The following ANKS1B variants were observed in gnomAD, a reference collection of about 807,000 sequenced individuals.
The protein encoded by ANKS1B is ankyrin repeat and sterile alpha motif domain containing 1B, also known as ankyrin repeat and sterile alpha motif domain-containing protein 1B.
In ANKS1B, 36 loss-of-function variants were observed where a neutral mutation model predicts 148.3. The observed-to-expected ratio is 0.24, with a 90% CI of 0.19 to 0.32. The LOEUF (loss-of-function observed/expected upper bound fraction) is 0.32, where lower values mean the gene tolerates loss of function less well. Among genes scored for constraint, ANKS1B ranks in the 10% least tolerant of loss-of-function variants. The pLI, the probability that ANKS1B is intolerant of heterozygous loss-of-function variation, is 1.00. For synonymous variants in ANKS1B, 542 were observed against 560.8 expected (o/e 0.97, Z 0.47); for missense variants, 1,157 against 1,542.6 (o/e 0.75, Z 4.19).
At chr12:98,847,114 G>A (rs1423760603) in intron 17 of ANKS1B, among the ~76,000 whole-genome samples, 2 of 152,072 alleles carry the variant, frequency 1.3e-5, no homozygotes, top group Non-Finnish European at 2.9e-5. Context: ...ATTTTTGTGT[G>A]TGTGGTAAGA....
intron 12 of ANKS1B, among the ~76,000 whole-genome samples, chr12:99,326,854 C>G (rs2086400600): frequency 6.7e-6 from 1 of 150,108 alleles, no homozygotes; most frequent in African/African-American, 2.4e-5. Flanking sequence ...AAGGTGGATG[C>G]CTAATGACAA....
At chr12:99,432,150 C>T (rs77604006) in intron 11 of ANKS1B, among the ~76,000 whole-genome samples, 5,027 of 152,242 alleles carry the variant, frequency 0.033, 298 homozygotes, top group African/African-American at 0.12. Context: ...GATGTCAACA[C>T]GATGCTTCTT....
chr12:98,913,987 T>C (rs1233632837), intron 17 of ANKS1B, among the ~76,000 whole-genome samples: 1 of 152,148 alleles, frequency 6.6e-6, no homozygotes, highest in Non-Finnish European at 1.5e-5. Flanking sequence ...CAGGCCAAAA[T>C]CCATGGGCTT....
At chr12:99,031,355 T>C (rs1207894057) in intron 17 of ANKS1B, among the ~76,000 whole-genome samples, 1 of 152,234 alleles carries the variant, frequency 6.6e-6, no homozygotes, top group East Asian at 1.9e-4. Flanking sequence ...GACTCACTGT[T>C]CTGAGTGGTT....
chr12:99,112,729 C>G (rs1372045180), intron 15 of ANKS1B, among the ~76,000 whole-genome samples: 1 of 152,144 alleles, frequency 6.6e-6, no homozygotes, highest in Non-Finnish European at 1.5e-5. Flanking sequence ...GCATTATGAT[C>G]CACTATTTTA....
intron 17 of ANKS1B, among the ~76,000 whole-genome samples, chr12:99,024,440 CA>C (rs1166495724): frequency 1.3e-5 from 2 of 152,120 alleles, no homozygotes; most frequent in Non-Finnish European, 2.9e-5. Flanking sequence ...TCCTGCTGTG[CA>C]AACAATGATC....
intron 15 of ANKS1B, among the ~76,000 whole-genome samples, chr12:99,128,264 A>C (rs1355146798): frequency 1.3e-5 from 2 of 152,194 alleles, no homozygotes; most frequent in African/African-American, 4.8e-5. Context: ...ACTACACAGT[A>C]GCTGCATACT....
chr12:99,939,301 G>A (rs1372297403), intron 1 of ANKS1B, among the ~76,000 whole-genome samples: 3 of 152,104 alleles, frequency 2.0e-5, no homozygotes, highest in Non-Finnish European at 4.4e-5. Context: ...TGTTTCCCAG[G>A]CTGGTCTCAA....
intron 17 of ANKS1B, among the ~76,000 whole-genome samples, chr12:98,904,178 G>A (rs2099775913): frequency 6.6e-6 from 1 of 152,020 alleles, no homozygotes. Flanking sequence ...CTGAAGCAAG[G>A]GCTATGGGGG....
At chr12:98,849,654 A>G (rs545141302) in intron 17 of ANKS1B, among the ~76,000 whole-genome samples, 82 of 152,356 alleles carry the variant, frequency 5.4e-4, no homozygotes, top group African/African-American at 1.9e-3. Flanking sequence ...TTAATAAAAT[A>G]TAAGTTTTCA....
At chr12:99,648,172 G>T in intron 9 of ANKS1B, 1 of 1,608,190 alleles carries the variant, frequency 6.2e-7, no homozygotes, top group South Asian at 1.1e-5. Context: ...TTTAAAGGAA[G>T]ACATGGAGGA....
At chr12:98,789,417 T>G (rs750412171) in intron 22 of ANKS1B, among the ~76,000 whole-genome samples, 1 of 130,144 alleles carries the variant, frequency 7.7e-6, no homozygotes, top group Non-Finnish European at 1.7e-5. Context: ...TGAAGATGTA[T>G]AGTTTTTTTT....
In ANKS1B at chr12:98,866,979, C is replaced by G. The variant is rs143720378; in HGVS notation, c.2779-34843G>C. Among the ~76,000 whole-genome samples the G allele has an allele frequency of 1.4e-3, 218 of 152,296 alleles. 2 individuals carry two copies. The highest frequency in any genetic ancestry group is 0.012 in the Admixed American group (183 of 15,306). ...TTACTTGATACATAAGGAGATACTACATAAGTTTTGGTCAAATGAATAAAC... is the reference window on the plus strand; with the variant it reads ...TTACTTGATACATAAGGAGATACTAGATAAGTTTTGGTCAAATGAATAAAC... On this transcript the variant is annotated intron_variant, in intron 17 of 26. Transcript: ENST00000683438.
At chr12:99,601,775 G>T (rs1212876419) in intron 9 of ANKS1B, among the ~76,000 whole-genome samples, 1 of 152,048 alleles carries the variant, frequency 6.6e-6, no homozygotes, top group African/African-American at 2.4e-5. Context: ...GTAGAAATGA[G>T]ATTGGACAGA....
At chr12:98,933,849 G>T (rs950927834) in intron 17 of ANKS1B, among the ~76,000 whole-genome samples, 3 of 150,578 alleles carry the variant, frequency 2.0e-5, no homozygotes, top group African/African-American at 7.3e-5. Flanking sequence ...ATGTTACTAG[G>T]TTTTTTTTTC....
chr12:99,334,997 C>T (rs2152299367), intron 12 of ANKS1B, among the ~76,000 whole-genome samples: 1 of 152,156 alleles, frequency 6.6e-6, no homozygotes, highest in East Asian at 1.9e-4. Context: ...CAAAAGGTTT[C>T]AATTCACAAA....
intron 1 of ANKS1B, among the ~76,000 whole-genome samples, chr12:99,913,447 T>C (rs950718903): frequency 6.6e-6 from 1 of 152,210 alleles, no homozygotes; most frequent in African/African-American, 2.4e-5. Context: ...TGTAAGGATT[T>C]TCCTGAGGCC....
At chr12:98,869,691 A>ATG (rs1338566570) in intron 17 of ANKS1B, among the ~76,000 whole-genome samples, 2 of 151,980 alleles carry the variant, frequency 1.3e-5, no homozygotes, top group Admixed American at 6.5e-5. Context: ...ATACATATGT[A>ATG]TGTGTGTGTA....
chr12:99,621,682 G>C (rs2098052801), intron 9 of ANKS1B, among the ~76,000 whole-genome samples: 2 of 151,782 alleles, frequency 1.3e-5, no homozygotes, highest in Non-Finnish European at 2.9e-5. Context: ...AGTGATAAAG[G>C]GTTCAATTCA....
Sources: allele counts gnomAD v4.1 joint callset (sites outside exome capture counted in the v4.1 genomes callset), GRCh38; gene constraint gnomAD v4.1.1; transcripts MANE v1.5; gene names NCBI Gene and HGNC (gene_info 2026-07-23, HGNC 2026-07-21).